IL1RAP: variants seen among roughly 807,000 people sequenced by gnomAD.
The protein encoded by IL1RAP is interleukin 1 receptor accessory protein, also known as interleukin-1 receptor accessory protein.
In IL1RAP, 35 loss-of-function variants were observed where a neutral mutation model predicts 60.7. That is an observed-to-expected ratio of 0.58 (90% CI 0.44 to 0.76). The LOEUF (loss-of-function observed/expected upper bound fraction) is 0.76. IL1RAP is among the 30% of genes least tolerant of loss of function. The pLI is 0.00. For missense variants in IL1RAP, 572 were observed against 693.9 expected, an observed-to-expected ratio of 0.82 and a Z score of 1.97; for synonymous variants, 268 against 250.9, an observed-to-expected ratio of 1.07 and a Z score of -0.64.
At chr3:190,562,864 A>G (rs936077404) in intron 2 of IL1RAP, among the ~76,000 whole-genome samples, 1 of 152,152 alleles carries the variant, frequency 6.6e-6, no homozygotes, top group Non-Finnish European at 1.5e-5. Flanking sequence ...AGGTCATAAT[A>G]TAAGAGCTGG....
At chr3:190,604,000 G>T in intron 3 of IL1RAP, 128 bp from the exon 4 acceptor site, 1 of 853,990 alleles carries the variant, frequency 1.2e-6, no homozygotes, top group South Asian at 1.8e-5. Context: ...ATTAGAGGGA[G>T]GCTGGAAGAT....
rs947413487 is a variant in IL1RAP, at chr3:190,577,032, C to T, written c.64+12679C>T. On this transcript the variant is annotated intron_variant, in intron 3 of 11. Transcript: ENST00000447382. ...AGGAGAATGGCGTGAACCCGGGAGG[C>T]GGAGCTTGCAGGGAGCCGAGATCGC... 2.2e-5 allele frequency among the ~76,000 whole-genome samples: 3 copies of T among 137,208 alleles called. 1 individual carries two copies. The highest frequency in any genetic ancestry group is 4.7e-4 in the South Asian group (2 of 4,268). The allele number at this position is 137,208 out of a possible 152,430, so 90.0% of individuals were successfully genotyped here. A position where few individuals can be genotyped will look rare whatever the true frequency, so the allele number is the denominator to read the frequency against.
Position 190,644,353 on chromosome 3 carries a change from T to G in IL1RAP, c.1157T>G (p.Val386Gly). 6.2e-7 allele frequency: 1 copy of G among 1,614,054 alleles called. No homozygotes were observed. Among genetic ancestry groups the G allele is most frequent in the Non-Finnish European group, 8.5e-7 (1 of 1,179,948 alleles). The change falls in exon 10 of 12, where the codon GTC (valine) becomes GGC (glycine). Residue 386 changes from valine (V) to glycine (G), a missense_variant. Coordinates refer to ENST00000447382, the MANE Select transcript of IL1RAP (RefSeq NM_002182.4). ...TACCATGTTTACTGGCTAGAGATGG[T>G]CCTATTTTACCGGGCTCATTTTGGA... ...VVYHVYWLEM[V>G]LFYRAHFGTD...
chr3:190,630,312 T>A (rs1184892855), intron 9 of IL1RAP: 5 of 515,784 alleles, frequency 9.7e-6, no homozygotes, highest in Non-Finnish European at 1.2e-5. Flanking sequence ...ACTTTCTTTG[T>A]GTCTCTCACC....
chr3:190,566,294 G>A (rs1167554481), intron 3 of IL1RAP, among the ~76,000 whole-genome samples: 2 of 152,102 alleles, frequency 1.3e-5, no homozygotes, highest in African/African-American at 2.4e-5. Flanking sequence ...ATAATGGAAC[G>A]TGTTTGGGTT....
At chr3:190,525,985 G>A (rs918756174) in intron 1 of IL1RAP, among the ~76,000 whole-genome samples, 1 of 152,010 alleles carries the variant, frequency 6.6e-6, no homozygotes, top group African/African-American at 2.4e-5. Flanking sequence ...GCATGTGAAA[G>A]GCAAATTAAA....
At chr3:190,619,296 C>A (rs1731550872) in intron 5 of IL1RAP, among the ~76,000 whole-genome samples, 1 of 152,064 alleles carries the variant, frequency 6.6e-6, no homozygotes, top group Non-Finnish European at 1.5e-5. Flanking sequence ...TAGTTGTGGA[C>A]TGAGATAGTT....
At chr3:190,571,554 T>A (rs1302256565) in intron 3 of IL1RAP, among the ~76,000 whole-genome samples, 3 of 152,130 alleles carry the variant, frequency 2.0e-5, no homozygotes, top group Non-Finnish European at 4.4e-5. Flanking sequence ...AGTTGAAATA[T>A]AGACCTTTAT....
chr3:190,580,154 C>T (rs1024939), intron 3 of IL1RAP, among the ~76,000 whole-genome samples: 53,765 of 152,040 alleles, frequency 0.35, 9,782 homozygotes, highest in East Asian at 0.51. Flanking sequence ...CTGCCAACTA[C>T]GTTCCAACGT....
intron 2 of IL1RAP, among the ~76,000 whole-genome samples, chr3:190,558,319 G>A (rs1442780244): frequency 6.6e-6 from 1 of 152,078 alleles, no homozygotes; most frequent in Non-Finnish European, 1.5e-5. Flanking sequence ...TGAGATTACT[G>A]GGTTGTATGG....
At chr3:190,655,032 GCA>G (rs143546353), downstream of IL1RAP, among the ~76,000 whole-genome samples, 1 of 151,426 alleles carries the variant, frequency 6.6e-6, no homozygotes, top group African/African-American at 2.4e-5. Context: ...ACACACAGAC[GCA>G]CACACACACG....
At chr3:190,603,357 C>T (rs1730022488) in intron 3 of IL1RAP, among the ~76,000 whole-genome samples, 1 of 152,152 alleles carries the variant, frequency 6.6e-6, no homozygotes, top group African/African-American at 2.4e-5. Flanking sequence ...TTGACTCTGT[C>T]ATTGAAACTG....
chr3:190,571,037 C>T (rs1577621308), intron 3 of IL1RAP, among the ~76,000 whole-genome samples: 2 of 152,250 alleles, frequency 1.3e-5, no homozygotes, highest in Admixed American at 1.3e-4. Context: ...AATTACGTTT[C>T]CTCAGTGGAA....
At chr3:190,621,491 G>A (rs1168133497) in intron 6 of IL1RAP, among the ~76,000 whole-genome samples, 19 of 152,192 alleles carry the variant, frequency 1.2e-4, no homozygotes, top group Admixed American at 1.2e-3. Context: ...CATCTTAGCA[G>A]TTGTTTCTAA....
intron 1 of IL1RAP, among the ~76,000 whole-genome samples, chr3:190,515,264 T>C (rs1274135277): frequency 1.3e-5 from 2 of 149,434 alleles, no homozygotes; most frequent in Non-Finnish European, 3.0e-5. Flanking sequence ...AAAATGGAGA[T>C]TTATAATGGT....
intron 7 of IL1RAP, among the ~76,000 whole-genome samples, chr3:190,626,912 C>T (rs867373014): frequency 6.6e-6 from 1 of 152,018 alleles, no homozygotes; most frequent in Admixed American, 6.6e-5. Context: ...TCAAGTGATC[C>T]ACCTGCCTCG....
chr3:190,637,054 G>A (rs1733281200), intron 9 of IL1RAP, among the ~76,000 whole-genome samples: 1 of 151,932 alleles, frequency 6.6e-6, no homozygotes. Context: ...ACTTACTATG[G>A]CGTATTTCCA....
downstream of IL1RAP, chr3:190,656,126 A>G: frequency 1.3e-6 from 2 of 1,537,308 alleles, no homozygotes; most frequent in Non-Finnish European, 1.7e-6. Context: ...AAGGGAGAAA[A>G]GTCCAAACAT....
chr3:190,556,243 G>A (rs1725418281), intron 2 of IL1RAP, 27 bp downstream of exon 2: 1 of 151,896 alleles, frequency 6.6e-6, no homozygotes, highest in African/African-American at 2.4e-5. Flanking sequence ...TTTAAATTAA[G>A]CAATTTATAA....
Sources: gnomAD v4.1 joint callset for allele counts (sites outside exome capture counted in the v4.1 genomes callset) on GRCh38, gnomAD v4.1.1 for gene constraint, MANE v1.5 for transcripts, NCBI Gene and HGNC (gene_info 2026-07-23, HGNC 2026-07-21) for gene names.